SLC8A1: variants seen among roughly 807,000 people sequenced by gnomAD.
The protein encoded by SLC8A1 is sodium/calcium exchanger 1.
Under a neutral mutation model 68.3 loss-of-function variants are expected in SLC8A1, and 18 were observed. The ratio of observed to expected loss-of-function variants is 0.26; its 90% CI spans 0.18 to 0.39. The LOEUF is 0.39. Among genes scored for constraint, SLC8A1 ranks in the 10% least tolerant of loss-of-function variants. The probability of loss-of-function intolerance (pLI) is 1.00; values close to 1 mark genes in which losing one functional copy is unlikely to be tolerated. For synonymous variants in SLC8A1, 475 were observed against 415.5 expected (o/e 1.14, Z -1.74); for missense variants, 985 against 1,156.7 (o/e 0.85, Z 2.15).
At chr2:40,427,736 C>T (rs1697255595) in intron 2 of SLC8A1, among the ~76,000 whole-genome samples, 1 of 152,154 alleles carries the variant, frequency 6.6e-6, no homozygotes, top group African/African-American at 2.4e-5. Flanking sequence ...CTCTGACCTG[C>T]TCCCTGACAA....
At chr2:40,263,976 C>T (rs954583763) in intron 2 of SLC8A1, among the ~76,000 whole-genome samples, 1 of 152,132 alleles carries the variant, frequency 6.6e-6, no homozygotes, top group African/African-American at 2.4e-5. Context: ...TATCCAGAAT[C>T]TACAATGAAC....
At chr2:40,452,164 G>C, upstream of SLC8A1, 1 of 105,768 alleles carries the variant, frequency 9.5e-6, no homozygotes, top group East Asian at 2.9e-4. Context: ...GCCCGGGCGC[G>C]CGCGCGCTCC....
intron 2 of SLC8A1, among the ~76,000 whole-genome samples, chr2:40,284,151 T>TTCTC (rs957170953): frequency 6.6e-6 from 1 of 151,918 alleles, no homozygotes; most frequent in African/African-American, 2.4e-5. Context: ...AAAGTGTGCT[T>TTCTC]TCTCTCTCTC....
At chr2:40,107,570 T>C (rs1233736062) in exon 8 of SLC8A1, 2 of 152,184 alleles carry the variant, frequency 1.3e-5, no homozygotes, top group African/African-American at 4.8e-5. Context: ...TCTCTTTGTA[T>C]TATAGAATAT....
chr2:40,493,357 G>C (rs76101835), intron 1 of SLC8A1, among the ~76,000 whole-genome samples: 3,870 of 117,202 alleles, frequency 0.033, 118 homozygotes, highest in Non-Finnish European at 0.051. Flanking sequence ...GGGTGGGGGG[G>C]AGGGGGGAGG....
intron 2 of SLC8A1, among the ~76,000 whole-genome samples, chr2:40,200,739 T>C (rs1350975028): frequency 6.6e-6 from 1 of 151,782 alleles, no homozygotes; most frequent in Non-Finnish European, 1.5e-5. Context: ...CTTAAACTAT[T>C]GCCGTGAGCC....
chr2:40,385,921 A>AG (rs1683404191), intron 2 of SLC8A1, among the ~76,000 whole-genome samples: 1 of 151,334 alleles, frequency 6.6e-6, no homozygotes, highest in African/African-American at 2.5e-5. Context: ...CACTACAAAG[A>AG]TTTGAGAGGT....
intron 2 of SLC8A1, among the ~76,000 whole-genome samples, chr2:40,227,016 C>A (rs1167429167): frequency 2.6e-5 from 4 of 152,094 alleles, no homozygotes; most frequent in African/African-American, 9.7e-5. Context: ...CTTGATGGGA[C>A]TCACCATCAA....
intron 2 of SLC8A1, among the ~76,000 whole-genome samples, chr2:40,384,664 A>T (rs1477005): frequency 6.6e-6 from 1 of 151,960 alleles, no homozygotes; most frequent in Non-Finnish European, 1.5e-5. Flanking sequence ...AATATTTTAT[A>T]TTTTTTATTT....
At chr2:40,463,879 CACACACACAT>C (rs1294594139) in intron 1 of SLC8A1, among the ~76,000 whole-genome samples, 3 of 134,596 alleles carry the variant, frequency 2.2e-5, no homozygotes, top group Non-Finnish European at 4.7e-5. Context: ...CACACACACA[CACACACACAT>C]ATATATATAG....
At chr2:40,220,660 T>C (rs1019724891) in intron 2 of SLC8A1, among the ~76,000 whole-genome samples, 1 of 152,170 alleles carries the variant, frequency 6.6e-6, no homozygotes, top group African/African-American at 2.4e-5. Context: ...TTTATGTCTA[T>C]TTTAGGGCAT....
In SLC8A1 at chr2:40,245,918, A is replaced by G. The variant is rs187233041; in HGVS notation, c.1809-68063T>C. On this transcript the variant is annotated intron_variant, in intron 2 of 7. Coordinates refer to ENST00000406785, the Ensembl canonical transcript of SLC8A1. ...CATGGATGAGGAAACTGATGTTTAC[A>G]TAAGTCAAGGAACTTGACCAAGGTT... 1.1e-4 allele frequency among the ~76,000 whole-genome samples: 16 copies of G among 152,312 alleles called. 1 individual carries two copies. The East Asian group carries it at 2.3e-3, about 22-fold the overall frequency.
intron 2 of SLC8A1, among the ~76,000 whole-genome samples, chr2:40,314,329 T>A (rs2074153503): frequency 6.6e-6 from 1 of 152,094 alleles, no homozygotes; most frequent in Non-Finnish European, 1.5e-5. Context: ...TGTGTGGATC[T>A]ATTTCCATAG....
intron 2 of SLC8A1, among the ~76,000 whole-genome samples, chr2:40,289,900 A>G (rs2068982850): frequency 6.6e-6 from 1 of 152,082 alleles, no homozygotes. Context: ...ATTAAAAAAT[A>G]AGGAGGAAAA....
intron 2 of SLC8A1, among the ~76,000 whole-genome samples, chr2:40,246,021 A>G (rs1323000747): frequency 6.6e-6 from 1 of 152,192 alleles, no homozygotes; most frequent in East Asian, 1.9e-4. Context: ...ATGCCATATG[A>G]CCTGTCTTAG....
intron 6 of SLC8A1, among the ~76,000 whole-genome samples, chr2:40,145,882 T>C (rs192459971): frequency 6.6e-6 from 1 of 152,388 alleles, no homozygotes; most frequent in Admixed American, 6.5e-5. Context: ...TTATGTCTAG[T>C]GACACCTTAT....
chr2:40,305,710 C>G (rs572085181), intron 2 of SLC8A1, among the ~76,000 whole-genome samples: 51 of 152,302 alleles, frequency 3.3e-4, no homozygotes, highest in African/African-American at 8.7e-4. Context: ...AGATTAGCAT[C>G]TACTTCACTG....
chr2:40,145,343 G>A (rs1481411543), intron 6 of SLC8A1, among the ~76,000 whole-genome samples: 2 of 152,070 alleles, frequency 1.3e-5, no homozygotes, highest in Non-Finnish European at 2.9e-5. Context: ...GTTGCCAAAG[G>A]TCAACCATCC....
chr2:40,306,954 T>C (rs992232120), intron 2 of SLC8A1, among the ~76,000 whole-genome samples: 1 of 152,164 alleles, frequency 6.6e-6, no homozygotes, highest in Non-Finnish European at 1.5e-5. Context: ...TAAAGGCTTG[T>C]TCTGTTTTAG....
Sources: allele counts gnomAD v4.1 joint callset (sites outside exome capture counted in the v4.1 genomes callset), GRCh38; gene constraint gnomAD v4.1.1; transcripts MANE v1.5; gene names NCBI Gene and HGNC (gene_info 2026-07-23, HGNC 2026-07-21).